VAV3: variants seen among roughly 807,000 people sequenced by gnomAD.
The protein encoded by VAV3 is guanine nucleotide exchange factor VAV3.
Under a neutral mutation model 131.2 loss-of-function variants are expected in VAV3, and 94 were observed. That is an observed-to-expected ratio of 0.72 (90% CI 0.61 to 0.85). VAV3 has a LOEUF of 0.85. VAV3 is among the 40% of genes least tolerant of loss of function. The probability of loss-of-function intolerance (pLI) is 0.00; values close to 1 mark genes in which losing one functional copy is unlikely to be tolerated. For synonymous variants in VAV3, 349 were observed against 342.0 expected (o/e 1.02, Z -0.22); for missense variants, 939 against 1,002.7 (o/e 0.94, Z 0.86).
At chr1:107,642,862 A>C in intron 19 of VAV3, 107 bp from the exon 20 acceptor site, 5 of 1,454,236 alleles carry the variant, frequency 3.4e-6, no homozygotes, top group Non-Finnish European at 4.6e-6. Flanking sequence ...TGTTAATACC[A>C]CCAAGTCCAA....
At chr1:107,719,000 C>A (rs1459333410) in intron 15 of VAV3, among the ~76,000 whole-genome samples, 1 of 152,162 alleles carries the variant, frequency 6.6e-6, no homozygotes, top group Non-Finnish European at 1.5e-5. Flanking sequence ...AACTGGCTAG[C>A]CATATGTAGA....
intron 2 of VAV3, among the ~76,000 whole-genome samples, chr1:107,850,764 A>C (rs1297611763): frequency 6.6e-6 from 1 of 152,142 alleles, no homozygotes; most frequent in Non-Finnish European, 1.5e-5. Context: ...TCTTCCTTTT[A>C]ATTTGTAGAG....
At chr1:107,792,001 G>A (rs1048563083) in intron 2 of VAV3, among the ~76,000 whole-genome samples, 1 of 152,164 alleles carries the variant, frequency 6.6e-6, no homozygotes, top group Non-Finnish European at 1.5e-5. Context: ...AGCAGGCAAT[G>A]CTGCCAGCAC....
At chr1:107,678,999 AG>A (rs1337868493) in intron 19 of VAV3, among the ~76,000 whole-genome samples, 2 of 152,150 alleles carry the variant, frequency 1.3e-5, no homozygotes, top group Non-Finnish European at 2.9e-5. Flanking sequence ...TTCCTTTCCT[AG>A]GAAGAATATA....
intron 25 of VAV3, among the ~76,000 whole-genome samples, chr1:107,587,039 T>C (rs1650555350): frequency 6.6e-6 from 1 of 152,146 alleles, no homozygotes; most frequent in Non-Finnish European, 1.5e-5. Context: ...GTATTAGGGC[T>C]AATGGGGATG....
At chr1:107,698,173 A>ATT (rs1245162992) in intron 17 of VAV3, among the ~76,000 whole-genome samples, 1 of 152,196 alleles carries the variant, frequency 6.6e-6, no homozygotes, top group African/African-American at 2.4e-5. Context: ...TAAAGTACAA[A>ATT]TGGTCCCCAA....
intron 25 of VAV3, among the ~76,000 whole-genome samples, chr1:107,594,560 G>C (rs965504354): frequency 6.6e-6 from 1 of 152,058 alleles, no homozygotes; most frequent in African/African-American, 2.4e-5. Flanking sequence ...GGCTAGCATG[G>C]ATATTCAAAG....
chr1:107,847,450 C>G (rs932430879), intron 2 of VAV3, among the ~76,000 whole-genome samples: 2 of 151,760 alleles, frequency 1.3e-5, no homozygotes, highest in African/African-American at 4.8e-5. Context: ...GATAGAGATA[C>G]AAAAAACCCT....
chr1:107,718,694 T>C (rs1254094418), intron 15 of VAV3, among the ~76,000 whole-genome samples: 6 of 152,152 alleles, frequency 3.9e-5, no homozygotes, highest in African/African-American at 7.2e-5. Flanking sequence ...CTTCACAGAA[T>C]TGGAAAATCT....
intron 24 of VAV3, among the ~76,000 whole-genome samples, chr1:107,598,821 C>CACACACACA (rs1651605019): frequency 6.6e-6 from 1 of 151,874 alleles, no homozygotes; most frequent in African/African-American, 2.4e-5. Flanking sequence ...CACACACACA[C>CACACACACA]ACGTATACAT....
chr1:107,737,455 A>G (rs566472432), intron 15 of VAV3, among the ~76,000 whole-genome samples: 146 of 152,340 alleles, frequency 9.6e-4, no homozygotes, highest in African/African-American at 3.3e-3. Context: ...CAATCTACCC[A>G]TCTGACAAAG....
intron 1 of VAV3, among the ~76,000 whole-genome samples, chr1:107,935,910 C>T (rs931398449): frequency 3.3e-5 from 5 of 152,072 alleles, no homozygotes; most frequent in Non-Finnish European, 7.4e-5. Flanking sequence ...TGAACTACAC[C>T]GATGACAGAG....
At chr1:107,925,033 C>T (rs1673084137) in intron 1 of VAV3, among the ~76,000 whole-genome samples, 1 of 152,064 alleles carries the variant, frequency 6.6e-6, no homozygotes, top group Admixed American at 6.6e-5. Context: ...AAATATGGTA[C>T]ATTTATAAGA....
chr1:107,600,373 C>T (rs1435733199), intron 24 of VAV3, among the ~76,000 whole-genome samples: 7 of 152,000 alleles, frequency 4.6e-5, no homozygotes, highest in Non-Finnish European at 1.5e-5. Context: ...TAATTACATC[C>T]TTTGCTAATG....
chr1:107,963,174 C>T (rs1354124977), intron 1 of VAV3, among the ~76,000 whole-genome samples: 1 of 152,102 alleles, frequency 6.6e-6, no homozygotes, highest in Non-Finnish European at 1.5e-5. Context: ...GAAACAAGTT[C>T]CAGGAAATGT....
intron 19 of VAV3, among the ~76,000 whole-genome samples, chr1:107,676,305 C>T (rs1658206073): frequency 6.6e-6 from 1 of 152,190 alleles, no homozygotes; most frequent in African/African-American, 2.4e-5. Flanking sequence ...ATGGTCTAGG[C>T]TAGGCCAATT....
intron 2 of VAV3, among the ~76,000 whole-genome samples, chr1:107,815,000 C>A (rs1667504269): frequency 6.6e-6 from 1 of 152,024 alleles, no homozygotes; most frequent in Admixed American, 6.6e-5. Context: ...TGAGAGAGCC[C>A]CCAAAAGTTC....
intron 13 of VAV3, among the ~76,000 whole-genome samples, chr1:107,750,734 G>A (rs1663669144): frequency 1.3e-5 from 2 of 152,128 alleles, no homozygotes; most frequent in African/African-American, 2.4e-5. Context: ...ATATTACTAC[G>A]TGATTCTCAC....
intron 22 of VAV3, among the ~76,000 whole-genome samples, chr1:107,605,007 T>C (rs1652159224): frequency 6.6e-6 from 1 of 152,192 alleles, no homozygotes; most frequent in African/African-American, 2.4e-5. Context: ...TGTTCCTCAC[T>C]CTTGTCTTTC....
Sources: allele counts gnomAD v4.1 joint callset (sites outside exome capture counted in the v4.1 genomes callset), GRCh38; gene constraint gnomAD v4.1.1; transcripts MANE v1.5; gene names NCBI Gene and HGNC (gene_info 2026-07-23, HGNC 2026-07-21).